GOT2: variants seen among roughly 807,000 people sequenced by gnomAD.
GOT2 encodes the protein aspartate aminotransferase, mitochondrial.
GOT2 carries 17 observed loss-of-function variants against 50.0 expected under a neutral mutation model. That is an observed-to-expected ratio of 0.34 (90% CI 0.23 to 0.51). GOT2 has a LOEUF of 0.51. Ranked by LOEUF, GOT2 falls within the 20% of genes least tolerant of loss-of-function variation. GOT2 has a pLI of 0.97. For synonymous variants in GOT2, 172 were observed against 204.9 expected, an observed-to-expected ratio of 0.84 and a Z score of 1.37; for missense variants, 430 against 559.6, an observed-to-expected ratio of 0.77 and a Z score of 2.34.
At chr16:58,718,130 C>A (rs1039879481) in intron 6 of GOT2, 66 bp downstream of exon 6, 34 of 1,119,876 alleles carry the variant, frequency 3.0e-5, no homozygotes, top group Non-Finnish European at 4.1e-5. Flanking sequence ...TGAGACATTG[C>A]CAAATTAAGC....
rs1597709197 is a variant in GOT2 at position 58,734,309 on chromosome 16, C to A, written c.-81G>T. 1 of 763,272 alleles carries A rather than the reference C, an allele frequency of 1.3e-6. No individual in the cohort carries two copies. Among genetic ancestry groups the A allele is most frequent in the African/African-American group, 1.8e-5 (1 of 55,652 alleles). The allele number at this position is 763,272 out of a possible 1,614,324, so 47.3% of individuals were successfully genotyped here. ...CACACACACAGGGAACCGGCTCCTGCTGAAGGTAAGGACAGGGACTTCCCT... is the reference window on the plus strand; with the variant it reads ...CACACACACAGGGAACCGGCTCCTGATGAAGGTAAGGACAGGGACTTCCCT... On this transcript the variant is annotated 5_prime_UTR_variant, in exon 1 of 10. Transcript: ENST00000245206.
In GOT2 at chr16:58,719,235, A is replaced by T; in HGVS notation, c.396T>A (p.Ile132=). ...CGATCCTTAAGGCTCCAGTTCCAGA[A>T]ATGGTCTGCACAGTGACAAACTGAA... ...KSGRFVTVQT[I]SGTGALRIGA... Residue 132 remains isoleucine, a synonymous_variant, in exon 4 of 10, where the codon ATT becomes ATA. Coordinates refer to ENST00000245206, the MANE Select transcript of GOT2 (RefSeq NM_002080.4). The T allele has an allele frequency of 6.2e-7, 1 of 1,613,250 alleles. No individual in the cohort carries two copies. Among genetic ancestry groups the T allele is most frequent in the Non-Finnish European group, 8.5e-7 (1 of 1,179,280 alleles).
chr16:58,727,174 G>T (rs1209711681), intron 1 of GOT2, among the ~76,000 whole-genome samples: 1 of 151,968 alleles, frequency 6.6e-6, no homozygotes, highest in Non-Finnish European at 1.5e-5. Context: ...CAAACAAAGA[G>T]ATGGGTCTCA....
Position 58,729,484 on chromosome 16 carries a change from C to A in GOT2, c.89+4656G>T, listed in dbSNP as rs181116454. 2.2e-4 allele frequency among the ~76,000 whole-genome samples: 32 copies of A among 148,354 alleles called. No individual in the cohort carries two copies. In the East Asian group the frequency reaches 6.3e-3, roughly 29 times the overall value. The stretch of plus-strand genomic sequence containing the variant: ...GAGACAAGCCTGGGCTACATAGAGA[C>A]CCTGTCTCAGGAAGAAAAAAAAAAA... On this transcript the variant is annotated intron_variant, in intron 1 of 9. Coordinates refer to ENST00000245206, the MANE Select transcript of GOT2 (RefSeq NM_002080.4).
At chr16:58,714,993 A>C (rs1337750690) in intron 8 of GOT2, among the ~76,000 whole-genome samples, 1 of 151,884 alleles carries the variant, frequency 6.6e-6, no homozygotes, top group East Asian at 1.9e-4. Context: ...GATTGTGGTC[A>C]AAAAAATTTA....
chr16:58,729,149 C>G (rs900258395), intron 1 of GOT2, among the ~76,000 whole-genome samples: 14 of 151,468 alleles, frequency 9.2e-5, no homozygotes, highest in Admixed American at 4.0e-4. Flanking sequence ...TTCCTAGTAC[C>G]TAGGCAATAG....
At chr16:58,710,396 CTTTTTTT>C (rs774270272) in intron 8 of GOT2, among the ~76,000 whole-genome samples, 4 of 138,740 alleles carry the variant, frequency 2.9e-5, no homozygotes, top group East Asian at 2.1e-4. Context: ...ATTTTCTTTT[CTTTTTTT>C]TTTTTTTTTG....
intron 1 of GOT2, among the ~76,000 whole-genome samples, chr16:58,732,721 T>G (rs1185194692): frequency 1.3e-5 from 2 of 152,222 alleles, no homozygotes; most frequent in Non-Finnish European, 2.9e-5. Context: ...CCCAAGGGAT[T>G]TTCACCAAGC....
chr16:58,731,505 G>A (rs753442173), intron 1 of GOT2, among the ~76,000 whole-genome samples: 4 of 152,164 alleles, frequency 2.6e-5, no homozygotes, highest in Non-Finnish European at 4.4e-5. Flanking sequence ...AAAGTCTCAC[G>A]AGACCTGCTC....
At chr16:58,729,388 A>G (rs1198407420) in intron 1 of GOT2, among the ~76,000 whole-genome samples, 1 of 150,276 alleles carries the variant, frequency 6.7e-6, no homozygotes, top group East Asian at 1.9e-4. Context: ...CTGGCTGGGC[A>G]TAGTGGCTCT....
At chr16:58,714,236 A>G (rs926213583) in intron 8 of GOT2, among the ~76,000 whole-genome samples, 1 of 151,802 alleles carries the variant, frequency 6.6e-6, no homozygotes, top group Admixed American at 6.6e-5. Flanking sequence ...ACTTAGTAAG[A>G]TGCAGTTGGC....
At chr16:58,708,316 G>T (rs1465859299) in intron 9 of GOT2, 23 bp from the exon 10 acceptor site, 1 of 1,611,414 alleles carries the variant, frequency 6.2e-7, no homozygotes, top group East Asian at 2.2e-5. Flanking sequence ...AAGAACTTGG[G>T]TACCTCTTCC....
At chr16:58,717,617 C>G (rs1258661206) in intron 6 of GOT2, among the ~76,000 whole-genome samples, 1 of 152,200 alleles carries the variant, frequency 6.6e-6, no homozygotes, top group East Asian at 1.9e-4. Context: ...TAGGCATCAA[C>G]AGCAGACATC....
chr16:58,709,436 G>A lies in GOT2; in HGVS notation c.1151C>T (p.Thr384Ile), dbSNP rs1007370884. 1.9e-6 allele frequency: 3 copies of A among 1,612,176 alleles called. No individual in the cohort carries two copies. The highest frequency in any genetic ancestry group is 3.3e-5 in the Admixed American group (2 of 59,990). ...ITDQIGMFCF[T>I]GLKPEQVERL... ...ACTCACCTGTTCAGGCTTTAGCCCT[G>A]TGAAACAGAACATGCCAATTTGGTC... Residue 384 changes from threonine (T) to isoleucine (I), a missense_variant, in exon 9 of 10, where the codon ACA (threonine) becomes ATA (isoleucine). Physicochemically the swap from Thr to Ile is moderately conservative, Grantham distance 89. Coordinates refer to ENST00000245206, the MANE Select transcript of GOT2 (RefSeq NM_002080.4).
At chr16:58,712,887 G>A (rs1218191035) in intron 8 of GOT2, among the ~76,000 whole-genome samples, 1 of 152,134 alleles carries the variant, frequency 6.6e-6, no homozygotes, top group Non-Finnish European at 1.5e-5. Flanking sequence ...AAGTGCTAAG[G>A]TCGGGAGTTC....
intron 7 of GOT2, 115 bp downstream of exon 7, chr16:58,716,548 G>T: frequency 1.3e-6 from 1 of 799,754 alleles, no homozygotes; most frequent in Non-Finnish European, 1.9e-6. Flanking sequence ...GGAGGGACAT[G>T]GACATGGATG....
At chr16:58,724,417 G>GTATT (rs2044766737) in intron 1 of GOT2, among the ~76,000 whole-genome samples, 1 of 151,840 alleles carries the variant, frequency 6.6e-6, no homozygotes, top group Non-Finnish European at 1.5e-5. Flanking sequence ...AGCCAAAACA[G>GTATT]TATTGATTTA....
chr16:58,711,656 G>A (rs2044649478), intron 8 of GOT2, among the ~76,000 whole-genome samples: 1 of 152,192 alleles, frequency 6.6e-6, no homozygotes, highest in African/African-American at 2.4e-5. Context: ...TGAAAAATGA[G>A]AAACGATAGC....
chr16:58,711,333 T>C (rs2044646195), intron 8 of GOT2, among the ~76,000 whole-genome samples: 1 of 152,216 alleles, frequency 6.6e-6, no homozygotes, highest in African/African-American at 2.4e-5. Context: ...GTCCTCTGAC[T>C]GTGCACGGGG....
Sources: gnomAD v4.1 joint callset for allele counts (sites outside exome capture counted in the v4.1 genomes callset) on GRCh38, gnomAD v4.1.1 for gene constraint, MANE v1.5 for transcripts, NCBI Gene and HGNC (gene_info 2026-07-23, HGNC 2026-07-21) for gene names.